The following SLC19A3 variants were observed in gnomAD, a reference collection of about 807,000 sequenced individuals.
The protein encoded by SLC19A3 is solute carrier family 19 member 3, also known as thiamine transporter 2.
In SLC19A3, 31 loss-of-function variants were observed where a neutral mutation model predicts 40.2. That is an observed-to-expected ratio of 0.77 (90% CI 0.58 to 1.04). SLC19A3 has a LOEUF of 1.04. Among genes scored for constraint, SLC19A3 ranks in the 50% least tolerant of loss-of-function variants. The pLI is 0.00. For missense variants in SLC19A3, 592 were observed against 596.7 expected, an observed-to-expected ratio of 0.99 and a Z score of 0.08; for synonymous variants, 212 against 227.5, an observed-to-expected ratio of 0.93 and a Z score of 0.61.
chr2:227,694,594 C>A (rs1360465759), intron 4 of SLC19A3, among the ~76,000 whole-genome samples: 1 of 152,152 alleles, frequency 6.6e-6, no homozygotes, highest in Non-Finnish European at 1.5e-5. Flanking sequence ...AAATGTTTCT[C>A]ATTTTTTTTG....
chr2:227,710,470 T>C (rs376454728), intron 1 of SLC19A3, among the ~76,000 whole-genome samples: 4 of 152,052 alleles, frequency 2.6e-5, no homozygotes, highest in South Asian at 2.1e-4. Flanking sequence ...CCGAGACGGG[T>C]GGATCACCTG....
intron 1 of SLC19A3, among the ~76,000 whole-genome samples, chr2:227,713,240 A>C (rs1016519393): frequency 2.4e-4 from 3 of 12,754 alleles, no homozygotes; most frequent in Non-Finnish European, 6.5e-4. Flanking sequence ...CGGTTCTACA[A>C]AAAAATTAAG....
chr2:227,710,653 C>G (rs1048486403), intron 1 of SLC19A3, among the ~76,000 whole-genome samples: 1 of 152,092 alleles, frequency 6.6e-6, no homozygotes, highest in Non-Finnish European at 1.5e-5. Context: ...TCCTTCCCCC[C>G]CAGTTTTTAG....
In SLC19A3 at chr2:227,686,757, A is replaced by C. The variant is rs1246666765; in HGVS notation, c.*640T>G. Reference sequence around the variant, plus strand: ...TTCTTGAGGGAGACTTTCAACAGCAAAACTCAGAGCACAAAATGGAAAATA... The same window carrying C: ...TTCTTGAGGGAGACTTTCAACAGCACAACTCAGAGCACAAAATGGAAAATA... On this transcript the variant is annotated 3_prime_UTR_variant, in exon 6 of 6. Coordinates refer to ENST00000644224, the MANE Select transcript of SLC19A3 (RefSeq NM_025243.4). 1.3e-5 allele frequency: 2 copies of C among 152,234 alleles called. No individual in the cohort carries two copies. The allele number at this position is 152,234 out of a possible 1,614,324, so 9.4% of individuals were successfully genotyped here. A position where few individuals can be genotyped will look rare whatever the true frequency, so the allele number is the denominator to read the frequency against.
chr2:227,694,182 T>A (rs1225797946), intron 4 of SLC19A3, among the ~76,000 whole-genome samples: 1 of 152,204 alleles, frequency 6.6e-6, no homozygotes, highest in Non-Finnish European at 1.5e-5. Context: ...AATTTTTGTA[T>A]TTTTAGTAGA....
rs534468691 is a variant in SLC19A3 at position 227,703,815 on chromosome 2, G to A, written c.-2-1495C>T. On this transcript the variant is annotated intron_variant, in intron 1 of 5. Transcript: ENST00000644224. The surrounding 1 kb of genome is among the most constrained non-coding windows in gnomAD (Gnocchi z 4.7). Reference sequence around the variant, plus strand: ...CCTCCTCTCCACCTTTGCTGACCACGGATTTGTTCTCTAAATCCAGGTCAT... The same window carrying A: ...CCTCCTCTCCACCTTTGCTGACCACAGATTTGTTCTCTAAATCCAGGTCAT... 1.1e-4 allele frequency among the ~76,000 whole-genome samples: 16 copies of A among 152,196 alleles called. No homozygotes were observed. The highest frequency in any genetic ancestry group is 2.2e-4 in the African/African-American group (9 of 41,518).
chr2:227,702,390 A>T lies in SLC19A3; in HGVS notation c.-2-70T>A. The T allele has an allele frequency of 1.3e-5, 19 of 1,501,708 alleles. No homozygotes were observed. In the Admixed American group the frequency reaches 2.3e-4, roughly 18 times the overall value. 93.0% of individuals were successfully genotyped at this position (1,501,708 alleles called of 1,614,324 possible). On this transcript the variant is annotated intron_variant, in intron 1 of 5. Coordinates refer to ENST00000644224, the MANE Select transcript of SLC19A3 (RefSeq NM_025243.4). Reference sequence around the variant, plus strand: ...TTTTAGCATCCTTGATGCGATGAAAACCTGATTTTTTTTTTTTTTTTGAGA... The same window carrying T: ...TTTTAGCATCCTTGATGCGATGAAATCCTGATTTTTTTTTTTTTTTTGAGA...
At position 227,687,262 on chromosome 2, in the gene SLC19A3, T is replaced by C; in HGVS notation, c.*135A>G. ...CTCATCTAAAACTGAGGTTTTGTTG[T>C]GGTTTTGAAAGGTCCATTGGAATCC... On this transcript the variant is annotated 3_prime_UTR_variant, in exon 6 of 6. Transcript: ENST00000644224. 1.2e-6 allele frequency: 1 copy of C among 869,190 alleles called. No individual in the cohort carries two copies. Among genetic ancestry groups the C allele is most frequent in the Non-Finnish European group, 1.8e-6 (1 of 566,606 alleles). 53.8% of individuals were successfully genotyped at this position (869,190 alleles called of 1,614,324 possible). A position where few individuals can be genotyped will look rare whatever the true frequency, so the allele number is the denominator to read the frequency against.
In SLC19A3 at chr2:227,703,234, T is replaced by C. The variant is rs1487329170; in HGVS notation, c.-2-914A>G. Among the ~76,000 whole-genome samples the C allele has an allele frequency of 6.6e-6, 1 of 152,192 alleles. No homozygotes were observed. The highest frequency in any genetic ancestry group is 2.4e-5 in the African/African-American group (1 of 41,460). ...CATATATAGAGCTTTTAGGGTCAAT[T>C]GCAGTTTGAAAGCAGACGAGAGAGA... On this transcript the variant is annotated intron_variant, in intron 1 of 5. Transcript: ENST00000644224. This position sits in a 1 kb window ranked among gnomAD's most constrained non-coding sequence, Gnocchi z 4.7.
chr2:227,696,038 C>T lies in SLC19A3; in HGVS notation c.1023G>A (p.Trp341Ter). ...AFAVGYVKVNWDLLGELALVV... is the reference protein window; with the variant it reads ...AFAVGYVKVN ...CCAGAGCCAGCTCTCCCAGAAGGTC[C>T]CAGTTGACTTTCACATAACCCACTG... Residue 341 changes from tryptophan to a stop codon, truncating the protein, a stop_gained, in exon 4 of 6, where the codon TGG (tryptophan) becomes TGA (stop). Transcript: ENST00000644224. LOFTEE classifies it high-confidence loss of function. 1 of 1,614,020 alleles carries T rather than the reference C, an allele frequency of 6.2e-7. No individual in the cohort carries two copies. The highest frequency in any genetic ancestry group is 8.5e-7 in the Non-Finnish European group (1 of 1,180,024).
rs1553575205 is a variant in SLC19A3 at position 227,711,422 on chromosome 2, A to AAAAT, written c.-3+6520_-3+6521insATTT. ...GTGACAGAGCGAGACTCTGTCTCAAAAAAATAAAATAAAATAAAATAAAAT... is the reference window on the plus strand; with the variant it reads ...GTGACAGAGCGAGACTCTGTCTCAAAAAATAAAATAAAATAAAATAAAATAAAAT... On this transcript the variant is annotated intron_variant, in intron 1 of 5. Coordinates refer to ENST00000644224, the MANE Select transcript of SLC19A3 (RefSeq NM_025243.4). 3.3e-4 allele frequency among the ~76,000 whole-genome samples: 48 copies of AAAAT among 143,756 alleles called. 1 individual carries two copies. The highest frequency in any genetic ancestry group is 7.9e-4 in the East Asian group (4 of 5,042). 94.3% of individuals were successfully genotyped at this position (143,756 alleles called of 152,430 possible).
intron 2 of SLC19A3, 176 bp downstream of exon 2, chr2:227,701,993 G>C (rs529163822): frequency 1.7e-6 from 1 of 604,440 alleles, no homozygotes; most frequent in Admixed American, 3.0e-5. Context: ...GCAATTTTTT[G>C]CAAGTAAGAA....
chr2:227,708,194 T>G (rs1407412981), intron 1 of SLC19A3, among the ~76,000 whole-genome samples: 1 of 152,238 alleles, frequency 6.6e-6, no homozygotes, highest in Non-Finnish European at 1.5e-5. Flanking sequence ...AGTTTTCTTT[T>G]TTTTAATCTC....
At chr2:227,707,628 A>T (rs545962933) in intron 1 of SLC19A3, among the ~76,000 whole-genome samples, 1 of 152,080 alleles carries the variant, frequency 6.6e-6, no homozygotes, top group East Asian at 1.9e-4. Context: ...AAACAAATTT[A>T]AAAAATAATG....
chr2:227,717,311 T>C (rs1696368355), intron 1 of SLC19A3, among the ~76,000 whole-genome samples: 1 of 152,176 alleles, frequency 6.6e-6, no homozygotes. Flanking sequence ...CTGAGAGTAC[T>C]TTTAGAAAAC....
intron 1 of SLC19A3, 53 bp from the exon 2 acceptor site, chr2:227,702,373 T>C (rs1695733003): frequency 1.9e-6 from 3 of 1,572,078 alleles, no homozygotes; most frequent in East Asian, 2.3e-5. Flanking sequence ...CTTTTTAGCA[T>C]CCTTGATGCG....
chr2:227,686,114 T>C lies in SLC19A3; in HGVS notation c.*1283A>G, dbSNP rs1460496267. 3 of 448,132 alleles carry C rather than the reference T, an allele frequency of 6.7e-6. No individual in the cohort carries two copies. Among genetic ancestry groups the C allele is most frequent in the South Asian group, 4.7e-5 (3 of 63,398 alleles). 27.8% of individuals were successfully genotyped at this position (448,132 alleles called of 1,614,324 possible). On this transcript the variant is annotated 3_prime_UTR_variant, in exon 6 of 6. Transcript: ENST00000644224. ...TGGGAGGCTGAGGTAGGAGAATGGC[T>C]TGAACTCAGGAGGTGAAGTTTGCAG...
chr2:227,705,581 C>T (rs564389197), intron 1 of SLC19A3, among the ~76,000 whole-genome samples: 28 of 152,092 alleles, frequency 1.8e-4, no homozygotes, highest in African/African-American at 6.7e-4. Context: ...CACTGTCTTC[C>T]ACAATGGTTG....
At chr2:227,694,061 G>A (rs1185735933) in intron 4 of SLC19A3, among the ~76,000 whole-genome samples, 1 of 152,130 alleles carries the variant, frequency 6.6e-6, no homozygotes, top group Non-Finnish European at 1.5e-5. Context: ...CAAAAAACAA[G>A]CAATAAATGC....
Sources: gnomAD v4.1 joint callset for allele counts (sites outside exome capture counted in the v4.1 genomes callset) on GRCh38, gnomAD v4.1.1 for gene constraint, Gnocchi (gnomAD v3.1) non-coding constraint, MANE v1.5 for transcripts, NCBI Gene and HGNC (gene_info 2026-07-23, HGNC 2026-07-21) for gene names.